Variants in SPTBN5 observed in about 807,000 individuals in gnomAD.
SPTBN5 encodes the protein spectrin beta, non-erythrocytic 5.
SPTBN5 carries 513 observed loss-of-function variants against 477.6 expected under a neutral mutation model. The ratio of observed to expected loss-of-function variants is 1.07; its 90% CI spans 1.00 to 1.16. The LOEUF is 1.16. Among genes scored for constraint, SPTBN5 ranks in the 50% most tolerant of loss-of-function variants. The probability of loss-of-function intolerance (pLI) is 0.00; values close to 1 mark genes in which losing one functional copy is unlikely to be tolerated. For missense variants in SPTBN5, 5,062 were observed against 4,731.8 expected, an observed-to-expected ratio of 1.07 and a Z score of -2.05; for synonymous variants, 2,169 against 2,011.7, an observed-to-expected ratio of 1.08 and a Z score of -2.09.
In SPTBN5 at chr15:41,866,126, G is replaced by T; in HGVS notation, c.6734C>A (p.Ala2245Asp). The T allele has an allele frequency of 6.4e-7, 1 of 1,558,424 alleles. No homozygotes were observed. Among genetic ancestry groups the T allele is most frequent in the South Asian group, 1.2e-5 (1 of 84,676 alleles). The change falls in exon 38 of 68, where the codon GCC (alanine) becomes GAC (aspartate). Residue 2245 changes from alanine (A) to aspartate (D), a missense_variant. By Grantham distance (126) the Ala-to-Asp change is moderately radical (BLOSUM62 -2). Coordinates refer to ENST00000320955, the MANE Select transcript of SPTBN5 (RefSeq NM_016642.4). ...GTCCTCCAGCTCCTGGCCCCTGAGG[G>T]CCATTGCCTGCCTCAGGTCCTCCCA... Reference protein sequence around the residue: ...KHWEDLRQAMALRGQELEDRR... With the variant: ...KHWEDLRQAMDLRGQELEDRR...
intron 7 of SPTBN5, among the ~76,000 whole-genome samples, chr15:41,884,124 TAC>T (rs1322763078): frequency 6.6e-6 from 1 of 152,236 alleles, no homozygotes. Context: ...TAGCTGGGAC[TAC>T]AGGTGCCCGC....
At position 41,874,949 on chromosome 15, in the gene SPTBN5, C is replaced by A. The variant is rs774563977; in HGVS notation, c.4395G>T (p.Glu1465Asp). 52 of 1,613,546 alleles carry A rather than the reference C, an allele frequency of 3.2e-5. No individual in the cohort carries two copies. In the South Asian group the frequency reaches 5.0e-4, roughly 16 times the overall value. Residue 1465 changes from glutamate to aspartate, a missense_variant, in exon 23 of 68, where the codon GAG becomes GAT. Transcript: ENST00000320955. ...QRLQKRHQQL[E>D]SESRTLAAKM... is the part of the protein sequence containing the mutation. ...TGGCAGCCAGGGTCCGGCTCTCACT[C>A]TCCAGCTGTTGGTGCCGTTTCTGCA...
intron 58 of SPTBN5, 32 bp from the exon 59 acceptor site, chr15:41,853,479 G>A (rs1452788183): frequency 6.5e-7 from 1 of 1,546,030 alleles, no homozygotes; most frequent in South Asian, 1.2e-5. Flanking sequence ...TGTTGTCAGG[G>A]CTGGCTGGGG....
Position 41,882,401 on chromosome 15 carries a change from G to T in SPTBN5, c.2115C>A (p.Leu705=). 1 of 1,538,868 alleles carries T rather than the reference G, an allele frequency of 6.5e-7. No homozygotes were observed. The highest frequency in any genetic ancestry group is 2.4e-5 in the East Asian group (1 of 41,038). The part of the protein sequence containing the change: ...CVDLVRRGRD[L]SARRPPTQPD... ...GCTGCGTTGGGGGCCTGCGGGCGCT[G>T]AGGTCGCGTCCCCTCCGCACGAGAT... is the stretch of plus-strand genomic sequence containing the variant. The change falls in exon 11 of 68, where the codon CTC becomes CTA. Residue 705 remains leucine, a synonymous_variant. Transcript: ENST00000320955.
intron 43 of SPTBN5, 64 bp from the exon 44 acceptor site, chr15:41,862,356 T>C: frequency 6.5e-7 from 1 of 1,541,390 alleles, no homozygotes; most frequent in African/African-American, 1.4e-5. Flanking sequence ...TGCCCACTGG[T>C]GTCTTCTGTC....
intron 18 of SPTBN5, 50 bp from the exon 19 acceptor site, chr15:41,876,998 C>G: frequency 3.8e-6 from 6 of 1,571,764 alleles, no homozygotes; most frequent in Non-Finnish European, 5.2e-6. Context: ...GGGGTCAGGA[C>G]CATCTCACCC....
chr15:41,875,567 C>T lies in SPTBN5; in HGVS notation c.4178G>A (p.Arg1393Lys). The change falls in exon 22 of 68, where the codon AGG (arginine) becomes AAG (lysine). Residue 1393 changes from arginine (R) to lysine (K), a missense_variant. Coordinates refer to ENST00000320955, the MANE Select transcript of SPTBN5 (RefSeq NM_016642.4). Reference sequence around the variant, plus strand: ...CCACTTGCTTCTCAGGCCTTGAAGCCTGGTCTGTATGTCCTCCTGGCCACA... The same window carrying T: ...CCACTTGCTTCTCAGGCCTTGAAGCTTGGTCTGTATGTCCTCCTGGCCACA... ...RPCGQEDIQTRLQGLRSKWEA... is the reference protein window; with the variant it reads ...RPCGQEDIQTKLQGLRSKWEA... 6.2e-7 allele frequency: 1 copy of T among 1,608,356 alleles called. No homozygotes were observed. The highest frequency in any genetic ancestry group is 8.5e-7 in the Non-Finnish European group (1 of 1,177,504).
At chr15:41,867,773 G>A (rs914000529) in intron 34 of SPTBN5, 131 bp from the exon 35 acceptor site, 1 of 914,068 alleles carries the variant, frequency 1.1e-6, no homozygotes, top group East Asian at 2.4e-5. Flanking sequence ...GCATGGAGCT[G>A]TGAGGAGTGG....
intron 21 of SPTBN5, 61 bp downstream of exon 21, chr15:41,876,053 G>A (rs1475933673): frequency 3.2e-6 from 5 of 1,553,130 alleles, no homozygotes; most frequent in Non-Finnish European, 4.4e-6. Context: ...AACAGGTGGT[G>A]CAGTAGGGTT....
intron 29 of SPTBN5, 147 bp from the exon 30 acceptor site, chr15:41,870,707 T>G: frequency 1.5e-6 from 1 of 646,938 alleles, no homozygotes; most frequent in African/African-American, 1.8e-5. Context: ...CTCCCGCCTG[T>G]GGCCCTGCCT....
chr15:41,863,976 G>T lies in SPTBN5; in HGVS notation c.6967C>A (p.Gln2323Lys), dbSNP rs368419268. Residue 2323 changes from glutamine (Q) to lysine (K), a missense_variant, in exon 40 of 68, where the codon CAG (glutamine) becomes AAG (lysine). Coordinates refer to ENST00000320955, the MANE Select transcript of SPTBN5 (RefSeq NM_016642.4). ...TCCTCAGGGTCCCGGTTCTTGAGCTGCAGTGACAAGTCACTGATGCTCCTG... is the reference window on the plus strand; with the variant it reads ...TCCTCAGGGTCCCGGTTCTTGAGCTTCAGTGACAAGTCACTGATGCTCCTG... ...CIRSISDLSL[Q>K]LKNRDPEEVK... is the part of the protein sequence containing the mutation. 3.7e-6 allele frequency: 6 copies of T among 1,613,834 alleles called. No individual in the cohort carries two copies. The South Asian group carries it at 5.5e-5, about 15-fold the overall frequency.
Position 41,858,744 on chromosome 15 carries a change from G to A in SPTBN5, c.8084C>T (p.Ala2695Val), listed in dbSNP as rs200497307. 1.1e-4 allele frequency: 180 copies of A among 1,609,050 alleles called. No homozygotes were observed. Among genetic ancestry groups the A allele is most frequent in the East Asian group, 3.6e-4 (16 of 44,796 alleles). Residue 2695 changes from alanine (A) to valine (V), a missense_variant, in exon 49 of 68, where the codon GCT becomes GTT. Physicochemically the swap from Ala to Val is moderately conservative, Grantham distance 64 (BLOSUM62 0). Transcript: ENST00000320955. The stretch of plus-strand genomic sequence containing the variant: ...CAGGTTCTTCTCCCTCAGCCACGCA[G>A]CCACCTGGGCACATGGGGAGGACAG... ...QAFLQDSQEV[A>V]AWLREKNLVA...
Position 41,855,567 on chromosome 15 carries a change from C to G in SPTBN5, c.9200G>C (p.Ser3067Thr). ...CGCCCACCTTTCTGGGTTCTTCCTG[C>G]TCTCCAGGAGTGCTGCTGTCTGCTG... ...RLQQTAALLE[S>T]RKNPESPKVL... The change falls in exon 54 of 68, where the codon AGC (serine) becomes ACC (threonine). Residue 3067 changes from serine (S) to threonine (T), a missense_variant. Coordinates refer to ENST00000320955, the MANE Select transcript of SPTBN5 (RefSeq NM_016642.4). The G allele has an allele frequency of 6.2e-7, 1 of 1,610,816 alleles. No homozygotes were observed. Among genetic ancestry groups the G allele is most frequent in the Non-Finnish European group, 8.5e-7 (1 of 1,178,690 alleles).
At position 41,885,809 on chromosome 15, in the gene SPTBN5, G is replaced by C. The variant is rs776655873; in HGVS notation, c.1446C>G (p.Arg482=). 6.4e-7 allele frequency: 1 copy of C among 1,558,182 alleles called. No individual in the cohort carries two copies. ...CTGCGATCTCAGCCAGGGCCTGGAA[G>C]CGCCCCTCCTGGGGCAGGATGCCAG... ...LEAGILPQEG[R]FQALAEIADI... is the part of the protein sequence containing the mutation. The change falls in exon 7 of 68, where the codon CGC becomes CGG. Residue 482 remains arginine (R), a synonymous_variant. Transcript: ENST00000320955.
rs747721816 is a variant in SPTBN5, at chr15:41,887,498, G to C, written c.660-57C>G. ...GCAGGAACCTACTGCTTTCCTTTAA[G>C]TAGATTCTTAAATGCACTCATGCTC... On this transcript the variant is annotated intron_variant, in intron 5 of 67. Transcript: ENST00000320955. 2.1e-4 allele frequency: 287 copies of C among 1,372,276 alleles called. 1 individual carries two copies. The highest frequency in any genetic ancestry group is 2.7e-4 in the Non-Finnish European group (267 of 990,378). The allele number at this position is 1,372,276 out of a possible 1,614,324, so 85.0% of individuals were successfully genotyped here.
chr15:41,866,909 T>C, intron 36 of SPTBN5, 50 bp downstream of exon 36: 1 of 1,508,800 alleles, frequency 6.6e-7, no homozygotes, highest in African/African-American at 1.4e-5. Context: ...GGCTGAAAAC[T>C]GTCGAGTGTG....
At chr15:41,891,033 C>G (rs1302445487) in intron 3 of SPTBN5, among the ~76,000 whole-genome samples, 1 of 152,250 alleles carries the variant, frequency 6.6e-6, no homozygotes, top group Non-Finnish European at 1.5e-5. Flanking sequence ...ATCTGCATGG[C>G]TATTCACCTC....
At position 41,858,925 on chromosome 15, in the gene SPTBN5, G is replaced by T. The variant is rs534049558; in HGVS notation, c.8044C>A (p.Arg2682=). ...GTRRHRLEEL[R]QLQAFLQDSQ... is the part of the protein sequence containing the mutation. The stretch of plus-strand genomic sequence containing the variant: ...TCCTGCAGGAAGGCCTGCAGCTGCC[G>T]GAGCTCCTCCAGGCGATGGCGGCGG... The change falls in exon 48 of 68, where the codon CGG becomes AGG. Residue 2682 remains arginine (R), a synonymous_variant. Transcript: ENST00000320955. 74 of 1,595,358 alleles carry T rather than the reference G, an allele frequency of 4.6e-5. 1 individual carries two copies. The Middle Eastern group carries it at 6.8e-4, about 15-fold the overall frequency.
intron 5 of SPTBN5, 125 bp downstream of exon 5, chr15:41,887,803 C>G: frequency 7.8e-6 from 8 of 1,024,154 alleles, no homozygotes; most frequent in Non-Finnish European, 1.1e-5. Flanking sequence ...TCAGCCCTTT[C>G]TACATCTGTG....
Sources: allele counts gnomAD v4.1 joint callset (sites outside exome capture counted in the v4.1 genomes callset), GRCh38; gene constraint gnomAD v4.1.1; transcripts MANE v1.5; gene names NCBI Gene and HGNC (gene_info 2026-07-23, HGNC 2026-07-21).